The following CDK6 variants were observed in gnomAD, a reference collection of about 807,000 sequenced individuals.
CDK6 encodes cyclin-dependent kinase 6.
CDK6 carries 6 observed loss-of-function variants against 37.1 expected under a neutral mutation model. That is an observed-to-expected ratio of 0.16 (90% CI 0.09 to 0.32). The LOEUF (loss-of-function observed/expected upper bound fraction) is 0.32. Ranked by LOEUF, CDK6 falls within the 10% of genes least tolerant of loss-of-function variation. The probability of loss-of-function intolerance (pLI) is 1.00; values close to 1 mark genes in which losing one functional copy is unlikely to be tolerated. For synonymous variants in CDK6, 160 were observed against 161.3 expected (o/e 0.99, Z 0.06); for missense variants, 224 against 418.9 (o/e 0.53, Z 4.06).
At chr7:92,813,593 T>C (rs1011333873) in intron 2 of CDK6, among the ~76,000 whole-genome samples, 7 of 152,158 alleles carry the variant, frequency 4.6e-5, no homozygotes, top group Admixed American at 1.3e-4. Context: ...AAAATAGCGA[T>C]AGAATTGTGT....
Position 92,791,968 on chromosome 7 carries a change from T to C in CDK6, c.234-17137A>G, listed in dbSNP as rs186360691. Among the ~76,000 whole-genome samples, 15 of 152,274 alleles carry C rather than the reference T, an allele frequency of 9.9e-5. No homozygotes were observed. In the East Asian group the frequency reaches 2.5e-3, roughly 25 times the overall value. Reference sequence around the variant, plus strand: ...GCTAAGAAGTCTGGAAATTATCTTATGGGCACTGGGAAAAAAGCAAAGGAC... The same window carrying C: ...GCTAAGAAGTCTGGAAATTATCTTACGGGCACTGGGAAAAAAGCAAAGGAC... On this transcript the variant is annotated intron_variant, in intron 2 of 7. Transcript: ENST00000424848.
At chr7:92,732,099 C>T (rs1270610234) in intron 3 of CDK6, among the ~76,000 whole-genome samples, 1 of 152,082 alleles carries the variant, frequency 6.6e-6, no homozygotes, top group Non-Finnish European at 1.5e-5. Flanking sequence ...TGAATATTTC[C>T]CCATTTCAAC....
intron 4 of CDK6, among the ~76,000 whole-genome samples, chr7:92,689,876 G>T (rs1230254163): frequency 2.0e-5 from 3 of 152,150 alleles, no homozygotes; most frequent in Non-Finnish European, 4.4e-5. Context: ...TTTCTCTAAT[G>T]ATCAGTGATG....
chr7:92,659,823 A>G (rs1271324960), intron 5 of CDK6, among the ~76,000 whole-genome samples: 1 of 152,188 alleles, frequency 6.6e-6, no homozygotes, highest in Non-Finnish European at 1.5e-5. Flanking sequence ...TTCTCAAAGA[A>G]TATCAGAGTT....
intron 5 of CDK6, among the ~76,000 whole-genome samples, chr7:92,652,224 C>T (rs537036840): frequency 6.6e-6 from 1 of 152,214 alleles, no homozygotes; most frequent in South Asian, 2.1e-4. Flanking sequence ...AACACATCAC[C>T]CACCTGAGAG....
chr7:92,689,835 G>A (rs1270101741), intron 4 of CDK6, among the ~76,000 whole-genome samples: 1 of 152,140 alleles, frequency 6.6e-6, no homozygotes, highest in Non-Finnish European at 1.5e-5. Flanking sequence ...CTGATGGTGT[G>A]AGATAATATC....
At chr7:92,739,956 G>A (rs754689309) in intron 3 of CDK6, among the ~76,000 whole-genome samples, 1 of 151,880 alleles carries the variant, frequency 6.6e-6, no homozygotes, top group Non-Finnish European at 1.5e-5. Context: ...ACAGAGTCTT[G>A]CTATGTTGCC....
At position 92,614,367 on chromosome 7, in the gene CDK6, A is replaced by G; in HGVS notation, c.*773T>C. ...AATGATAAAGCATGATGTCATACAG[A>G]AGGTTAAAATAGACTTACAACAAGT... On this transcript the variant is annotated 3_prime_UTR_variant, in exon 8 of 8. Transcript: ENST00000424848. 1 of 233,052 alleles carries G rather than the reference A, an allele frequency of 4.3e-6. No individual in the cohort carries two copies. Among genetic ancestry groups the G allele is most frequent in the Non-Finnish European group, 8.5e-6 (1 of 117,950 alleles). The allele number at this position is 233,052 out of a possible 1,614,324, so 14.4% of individuals were successfully genotyped here.
chr7:92,747,980 T>C (rs1799099487), intron 3 of CDK6, among the ~76,000 whole-genome samples: 1 of 152,212 alleles, frequency 6.6e-6, no homozygotes, highest in Non-Finnish European at 1.5e-5. Context: ...TTTCATCAGC[T>C]ACCATCAGGA....
intron 5 of CDK6, among the ~76,000 whole-genome samples, chr7:92,670,896 C>T (rs1302760175): frequency 2.0e-5 from 3 of 152,160 alleles, no homozygotes; most frequent in African/African-American, 4.8e-5. Context: ...TTGTTTCTGT[C>T]CTCTATAGTA....
chr7:92,727,316 C>G (rs1344089822), intron 3 of CDK6, among the ~76,000 whole-genome samples: 1 of 152,196 alleles, frequency 6.6e-6, no homozygotes, highest in Non-Finnish European at 1.5e-5. Context: ...CCACTGAATC[C>G]TCTCATCGAG....
Position 92,671,974 on chromosome 7 carries a change from G to C in CDK6, c.538-439C>G, listed in dbSNP as rs184327205. Among the ~76,000 whole-genome samples the C allele has an allele frequency of 1.8e-3, 272 of 151,182 alleles. 3 individuals carry two copies. Among genetic ancestry groups the C allele is most frequent in the African/African-American group, 6.4e-3 (262 of 41,042 alleles). ...ACAGAGTGGTGTAATGGACTTTGGA[G>C]ACTCAGAAAGGGGGAGGGTAGAGAA... On this transcript the variant is annotated intron_variant, in intron 4 of 7. Coordinates refer to ENST00000424848, the MANE Select transcript of CDK6 (RefSeq NM_001145306.2).
At chr7:92,651,441 AAAC>A (rs201351186) in intron 5 of CDK6, among the ~76,000 whole-genome samples, 1 of 152,172 alleles carries the variant, frequency 6.6e-6, no homozygotes, top group Non-Finnish European at 1.5e-5. Context: ...CCAAAACAAC[AAAC>A]AACAACAACA....
intron 2 of CDK6, among the ~76,000 whole-genome samples, chr7:92,780,774 A>G (rs887606522): frequency 1.3e-5 from 2 of 151,376 alleles, no homozygotes; most frequent in Admixed American, 1.3e-4. Flanking sequence ...AAAAAAAAAA[A>G]AAAAACAAAA....
rs536910258 is a variant in CDK6 at position 92,611,385 on chromosome 7, A to G, written c.*3755T>C. On this transcript the variant is annotated 3_prime_UTR_variant, in exon 8 of 8. Coordinates refer to ENST00000424848, the MANE Select transcript of CDK6 (RefSeq NM_001145306.2). Reference sequence around the variant, plus strand: ...TTTTCCTAGACTCAACTATGCAATTAAAGCCTGCTTTTGGAAAATGTAAGA... The same window carrying G: ...TTTTCCTAGACTCAACTATGCAATTGAAGCCTGCTTTTGGAAAATGTAAGA... 5 of 228,084 alleles carry G rather than the reference A, an allele frequency of 2.2e-5. No homozygotes were observed. The South Asian group carries it at 9.1e-4, about 42-fold the overall frequency. 14.1% of individuals were successfully genotyped at this position (228,084 alleles called of 1,614,324 possible).
intron 5 of CDK6, among the ~76,000 whole-genome samples, chr7:92,642,531 A>C (rs1796334492): frequency 6.6e-6 from 1 of 152,168 alleles, no homozygotes; most frequent in South Asian, 2.1e-4. Flanking sequence ...TCTGAGAAGA[A>C]GCCATCCTTT....
intron 2 of CDK6, among the ~76,000 whole-genome samples, chr7:92,779,407 A>G (rs927963778): frequency 1.6e-4 from 24 of 152,344 alleles, no homozygotes; most frequent in African/African-American, 4.8e-4. Context: ...TAGTCCATAG[A>G]GCAGAACATT....
intron 2 of CDK6, among the ~76,000 whole-genome samples, chr7:92,823,758 G>A (rs1801240598): frequency 6.6e-6 from 1 of 152,044 alleles, no homozygotes; most frequent in Admixed American, 6.6e-5. Context: ...AAATGTACTG[G>A]TCTGAGTAAA....
At chr7:92,832,246 A>C (rs1212892016) in intron 2 of CDK6, among the ~76,000 whole-genome samples, 3 of 152,222 alleles carry the variant, frequency 2.0e-5, no homozygotes. Flanking sequence ...CCTAAGTCAC[A>C]CATTTTCATT....
Sources: allele counts gnomAD v4.1 joint callset (sites outside exome capture counted in the v4.1 genomes callset), GRCh38; gene constraint gnomAD v4.1.1; transcripts MANE v1.5; gene names NCBI Gene and HGNC (gene_info 2026-07-23, HGNC 2026-07-21).